Variants in PRDM5 observed in about 807,000 individuals in gnomAD.
PRDM5 encodes the protein PR/SET domain 5.
A neutral mutation model predicts 81.2 loss-of-function variants in PRDM5; 56 were observed. The observed-to-expected ratio is 0.69, with a 90% CI of 0.56 to 0.86. The LOEUF (loss-of-function observed/expected upper bound fraction) is 0.86. PRDM5 is among the 40% of genes least tolerant of loss of function. The probability of loss-of-function intolerance (pLI) is 0.00; values close to 1 mark genes in which losing one functional copy is unlikely to be tolerated. For synonymous variants in PRDM5, 267 were observed against 256.4 expected (o/e 1.04, Z -0.39); for missense variants, 697 against 770.1 (o/e 0.91, Z 1.12).
At chr4:120,836,704 G>T in intron 3 of PRDM5, among the ~76,000 whole-genome samples, 1 of 152,026 alleles carries the variant, frequency 6.6e-6, no homozygotes, top group East Asian at 1.9e-4. Context: ...TCTCTAACTG[G>T]GGGAATCTAG....
At position 120,777,699 on chromosome 4, in the gene PRDM5, A is replaced by G. The variant is rs1212274780; in HGVS notation, c.1444-418T>C. ...TCTTGAGGACAGAATTAATCTTAAT[A>G]AAGTCATCTATTACTTGTGTTATGA... On this transcript the variant is annotated intron_variant, in intron 12 of 15. Coordinates refer to ENST00000264808, the MANE Select transcript of PRDM5 (RefSeq NM_018699.4). Among the ~76,000 whole-genome samples, 21 of 152,124 alleles carry G rather than the reference A, an allele frequency of 1.4e-4. 1 individual carries two copies. Among genetic ancestry groups the G allele is most frequent in the Admixed American group, 1.4e-3 (21 of 15,256 alleles).
At chr4:120,907,034 T>C (rs970238575) in intron 2 of PRDM5, among the ~76,000 whole-genome samples, 5 of 151,948 alleles carry the variant, frequency 3.3e-5, no homozygotes, top group African/African-American at 1.2e-4. Context: ...TGAACTTTTT[T>C]TAAAACCTAA....
At chr4:120,703,481 T>C (rs1425645810) in intron 15 of PRDM5, among the ~76,000 whole-genome samples, 6 of 152,120 alleles carry the variant, frequency 3.9e-5, no homozygotes, top group South Asian at 2.1e-4. Context: ...TGAGTCACCA[T>C]GCCTGGTCTC....
chr4:120,738,390 T>G (rs1741428477), intron 14 of PRDM5, among the ~76,000 whole-genome samples: 1 of 152,224 alleles, frequency 6.6e-6, no homozygotes, highest in South Asian at 2.1e-4. Flanking sequence ...ATGACACCAA[T>G]TATAAGGCCA....
At chr4:120,733,451 C>G (rs547411630) in intron 14 of PRDM5, among the ~76,000 whole-genome samples, 5 of 152,162 alleles carry the variant, frequency 3.3e-5, no homozygotes, top group Admixed American at 1.3e-4. Flanking sequence ...CAATGCCCTA[C>G]CCCCAATCTT....
At chr4:120,816,679 C>T (rs1754559269) in intron 6 of PRDM5, 105 bp from the exon 7 acceptor site, 17 of 1,567,984 alleles carry the variant, frequency 1.1e-5, no homozygotes, top group Admixed American at 1.7e-5. Context: ...AGTAGAGTTT[C>T]GGGGTCATTC....
At chr4:120,874,165 A>G (rs1427506319) in intron 2 of PRDM5, among the ~76,000 whole-genome samples, 2 of 152,186 alleles carry the variant, frequency 1.3e-5, no homozygotes, top group Non-Finnish European at 2.9e-5. Flanking sequence ...GTTGTTTATT[A>G]TAGTCCCTCT....
intron 3 of PRDM5, among the ~76,000 whole-genome samples, chr4:120,826,729 G>T (rs970312549): frequency 1.3e-5 from 2 of 152,158 alleles, no homozygotes; most frequent in Non-Finnish European, 2.9e-5. Context: ...ACTCGATGAG[G>T]ACTGTAGCAG....
At chr4:120,840,567 T>C (rs1486920114) in intron 3 of PRDM5, among the ~76,000 whole-genome samples, 1 of 151,944 alleles carries the variant, frequency 6.6e-6, no homozygotes. Context: ...GCCCCAAAAG[T>C]GTGGCCCCAG....
At chr4:120,734,391 A>AACACACAC (rs71597096) in intron 14 of PRDM5, among the ~76,000 whole-genome samples, 168 of 147,608 alleles carry the variant, frequency 1.1e-3, no homozygotes, top group African/African-American at 4.0e-3. Context: ...ATGTTAGTGG[A>AACACACAC]ACACACACAC....
intron 14 of PRDM5, among the ~76,000 whole-genome samples, chr4:120,723,495 T>C (rs1353039084): frequency 2.0e-5 from 3 of 152,100 alleles, no homozygotes; most frequent in Non-Finnish European, 4.4e-5. Flanking sequence ...AAAAGAAGAA[T>C]AATCATATGA....
intron 14 of PRDM5, among the ~76,000 whole-genome samples, chr4:120,752,467 C>T (rs1400992880): frequency 6.6e-6 from 1 of 152,048 alleles, no homozygotes; most frequent in African/African-American, 2.4e-5. Context: ...TAGTCAAAGC[C>T]TAGAATTTGT....
intron 14 of PRDM5, among the ~76,000 whole-genome samples, chr4:120,734,251 GTTTGT>G (rs1479309300): frequency 1.3e-4 from 20 of 151,554 alleles, no homozygotes; most frequent in Non-Finnish European, 2.7e-4. Context: ...GGCTTTGTTT[GTTTGT>G]TTTTTTTTTA....
intron 14 of PRDM5, among the ~76,000 whole-genome samples, chr4:120,713,664 T>C (rs1427568335): frequency 6.6e-6 from 1 of 152,230 alleles, no homozygotes; most frequent in Admixed American, 6.5e-5. Flanking sequence ...ATATGTTTTA[T>C]CTCCTACTGA....
Position 120,779,998 on chromosome 4 carries a change from T to C in PRDM5, c.1443+1145A>G, listed in dbSNP as rs1184779955. Among the ~76,000 whole-genome samples the C allele has an allele frequency of 2.0e-5, 3 of 151,932 alleles. No homozygotes were observed. In the East Asian group the frequency reaches 5.8e-4, roughly 29 times the overall value. On this transcript the variant is annotated intron_variant, in intron 12 of 15. Coordinates refer to ENST00000264808, the MANE Select transcript of PRDM5 (RefSeq NM_018699.4). ...ACTATGTACCCATAAAAATTAAATA[T>C]TAAAAAAATACAGGAAAAGAAAGTT...
chr4:120,691,038 A>G (rs557405834), downstream of PRDM5, among the ~76,000 whole-genome samples: 9 of 152,272 alleles, frequency 5.9e-5, no homozygotes, highest in South Asian at 1.7e-3. Context: ...GTAACTAAAT[A>G]TATGTTTTAA....
chr4:120,914,092 T>TA, intron 1 of PRDM5, among the ~76,000 whole-genome samples: 1 of 151,904 alleles, frequency 6.6e-6, no homozygotes. Flanking sequence ...GCAGAAGAAT[T>TA]AGACCCACGC....
chr4:120,691,292 A>T (rs190818045), downstream of PRDM5, among the ~76,000 whole-genome samples: 16 of 152,250 alleles, frequency 1.1e-4, 1 homozygote, highest in East Asian at 3.1e-3. Context: ...ACAACAAATT[A>T]ACAATGTGTA....
chr4:120,889,730 G>A (rs1017159597), intron 2 of PRDM5, among the ~76,000 whole-genome samples: 3 of 152,104 alleles, frequency 2.0e-5, no homozygotes, highest in Admixed American at 6.6e-5. Context: ...CCCTCCTCAA[G>A]TAGGCCCTGA....
Sources: allele counts gnomAD v4.1 joint callset (sites outside exome capture counted in the v4.1 genomes callset), GRCh38; gene constraint gnomAD v4.1.1; transcripts MANE v1.5; gene names NCBI Gene and HGNC (gene_info 2026-07-23, HGNC 2026-07-21).